The following CCDC171 variants were observed in gnomAD, a reference collection of about 807,000 sequenced individuals.
The protein encoded by CCDC171 is coiled-coil domain-containing protein 171.
Under a neutral mutation model 168.2 loss-of-function variants are expected in CCDC171, and 177 were observed. The observed-to-expected ratio is 1.05, with a 90% CI of 0.93 to 1.19. CCDC171 has a LOEUF of 1.19. Ranked by LOEUF, CCDC171 falls within the 50% of genes most tolerant of loss-of-function variation. CCDC171 has a pLI of 0.00. For synonymous variants in CCDC171, 687 were observed against 540.8 expected, an observed-to-expected ratio of 1.27 and a Z score of -3.75; for missense variants, 1,991 against 1,539.0, an observed-to-expected ratio of 1.29 and a Z score of -4.91.
At chr9:15,829,226 C>G (rs2060134983) in intron 21 of CCDC171, among the ~76,000 whole-genome samples, 1 of 152,148 alleles carries the variant, frequency 6.6e-6, no homozygotes, top group South Asian at 2.1e-4. Context: ...GTATTTCAAT[C>G]TATTGGCTCT....
intron 23 of CCDC171, among the ~76,000 whole-genome samples, chr9:15,871,228 CTA>C (rs1563911496): frequency 6.6e-6 from 1 of 151,296 alleles, no homozygotes; most frequent in Non-Finnish European, 1.5e-5. Context: ...TTGGGAAATT[CTA>C]TATGTTAAAA....
At position 15,999,653 on chromosome 9, in the gene CCDC171, A is replaced by T. The variant is rs143894577; in HGVS notation, n.369-20936A>T. On this transcript the variant is annotated intron_variant and non_coding_transcript_variant, in intron 3 of 9. Coordinates refer to the CCDC171 transcript ENST00000486641. The stretch of plus-strand genomic sequence containing the variant: ...TGCCTCCAAGGACAAGGCTATAGAG[A>T]CTCCCTCTGTGAGGCTCCTCCAGCC... Among the ~76,000 whole-genome samples, 1,351 of 151,828 alleles carry T rather than the reference A, an allele frequency of 8.9e-3. 5 individuals are homozygous for T. Among genetic ancestry groups the T allele is most frequent in the Non-Finnish European group, 0.015 (1,006 of 67,930 alleles).
chr9:15,721,317 C>T (rs756561182), intron 11 of CCDC171, among the ~76,000 whole-genome samples: 3 of 151,834 alleles, frequency 2.0e-5, no homozygotes, highest in Non-Finnish European at 2.9e-5. Flanking sequence ...TATAAAAGGC[C>T]TGACTAGTCA....
intron 6 of CCDC171, among the ~76,000 whole-genome samples, chr9:15,612,740 G>A (rs968956492): frequency 6.6e-6 from 1 of 151,968 alleles, no homozygotes; most frequent in African/African-American, 2.4e-5. Context: ...TTGCATATTT[G>A]CATAGTTTCC....
intron 10 of CCDC171, among the ~76,000 whole-genome samples, chr9:15,686,842 G>A (rs1231895066): frequency 1.3e-5 from 2 of 152,148 alleles, no homozygotes; most frequent in South Asian, 4.2e-4. Context: ...GCAGTAATGG[G>A]TAGAACAATG....
upstream of CCDC171, among the ~76,000 whole-genome samples, chr9:16,039,338 T>C (rs1439295799): frequency 6.6e-6 from 1 of 152,206 alleles, no homozygotes; most frequent in African/African-American, 2.4e-5. Context: ...TGAGTACTGC[T>C]GTTATGTAAC....
intron 24 of CCDC171, among the ~76,000 whole-genome samples, chr9:15,904,522 G>A (rs978643728): frequency 5.5e-4 from 84 of 151,874 alleles, no homozygotes; most frequent in African/African-American, 1.9e-3. Flanking sequence ...CCTGAAGGAA[G>A]CACTAAACAT....
intron 1 of CCDC171, among the ~76,000 whole-genome samples, chr9:16,047,481 A>G (rs75491150): frequency 4.9e-4 from 74 of 152,306 alleles, no homozygotes; most frequent in African/African-American, 1.7e-3. Context: ...TTCCTCGATT[A>G]TCACTGCAGC....
chr9:15,978,610 C>T (rs565230402), downstream of CCDC171, among the ~76,000 whole-genome samples: 1 of 152,268 alleles, frequency 6.6e-6, no homozygotes, highest in South Asian at 2.1e-4. Flanking sequence ...CACTGTATGT[C>T]TAAATAGCTT....
chr9:15,822,252 C>T (rs539109187), intron 21 of CCDC171, among the ~76,000 whole-genome samples: 3 of 152,070 alleles, frequency 2.0e-5, no homozygotes, highest in African/African-American at 4.8e-5. Flanking sequence ...CTAGGCAATA[C>T]CATTCAGGAC....
At chr9:16,053,119 G>A (rs146049860) in intron 1 of CCDC171, among the ~76,000 whole-genome samples, 2 of 152,222 alleles carry the variant, frequency 1.3e-5, no homozygotes, top group Admixed American at 6.5e-5. Flanking sequence ...TAACCGATGG[G>A]TGTTAAGTTT....
At chr9:15,705,396 T>G (rs1417640404) in intron 11 of CCDC171, among the ~76,000 whole-genome samples, 3 of 152,166 alleles carry the variant, frequency 2.0e-5, no homozygotes, top group African/African-American at 7.2e-5. Context: ...TATTTTTCAT[T>G]GCTTCTTTGG....
intron 21 of CCDC171, among the ~76,000 whole-genome samples, chr9:15,809,105 C>T (rs561543593): frequency 1.8e-4 from 28 of 152,294 alleles, no homozygotes; most frequent in African/African-American, 6.3e-4. Flanking sequence ...TTGCCATCAC[C>T]TTGGGAGTTA....
intron 8 of CCDC171, among the ~76,000 whole-genome samples, chr9:15,657,690 A>G (rs181785980): frequency 6.6e-6 from 1 of 152,240 alleles, no homozygotes; most frequent in Admixed American, 6.5e-5. Flanking sequence ...TGTAACTTAC[A>G]TTTTGTTGTC....
chr9:15,766,396 AC>A (rs2056725675), intron 18 of CCDC171, among the ~76,000 whole-genome samples: 1 of 151,832 alleles, frequency 6.6e-6, no homozygotes, highest in South Asian at 2.1e-4. Context: ...GATGTATACC[AC>A]CATGCTTGGC....
At chr9:15,924,091 A>AT (rs1199613972) in intron 25 of CCDC171, among the ~76,000 whole-genome samples, 2 of 151,446 alleles carry the variant, frequency 1.3e-5, no homozygotes, top group African/African-American at 4.8e-5. Flanking sequence ...ACATATATTT[A>AT]ATATTTATAT....
chr9:15,770,310 A>G (rs892145221), intron 18 of CCDC171, among the ~76,000 whole-genome samples: 1 of 152,176 alleles, frequency 6.6e-6, no homozygotes, highest in Non-Finnish European at 1.5e-5. Context: ...AACTATCTTT[A>G]TCTATATTTG....
the CCDC171 span, among the ~76,000 whole-genome samples, chr9:16,099,247 T>C: frequency 6.6e-6 from 1 of 152,172 alleles, no homozygotes; most frequent in Non-Finnish European, 1.5e-5. Context: ...GAATTCTTCT[T>C]AGGAGCCTTG....
At chr9:15,921,630 G>A (rs1825341211) in intron 25 of CCDC171, among the ~76,000 whole-genome samples, 1 of 151,536 alleles carries the variant, frequency 6.6e-6, no homozygotes, top group South Asian at 2.1e-4. Flanking sequence ...AAAAGTACGA[G>A]TAATCTATCC....
Sources: gnomAD v4.1 joint callset for allele counts (sites outside exome capture counted in the v4.1 genomes callset) on GRCh38, gnomAD v4.1.1 for gene constraint, MANE v1.5 for transcripts, NCBI Gene and HGNC (gene_info 2026-07-23, HGNC 2026-07-21) for gene names.